The following DGKI variants were observed in gnomAD, a reference collection of about 807,000 sequenced individuals.
The protein encoded by DGKI is DAG kinase iota.
A neutral mutation model predicts 147.5 loss-of-function variants in DGKI; 55 were observed. That is an observed-to-expected ratio of 0.37 (90% CI 0.30 to 0.47). The LOEUF (loss-of-function observed/expected upper bound fraction) is 0.47, where lower values mean the gene tolerates loss of function less well. DGKI is among the 20% of genes least tolerant of loss of function. DGKI has a pLI of 1.00. For missense variants in DGKI, 1,007 were observed against 1,323.8 expected (o/e 0.76, Z 3.71); for synonymous variants, 469 against 477.1 (o/e 0.98, Z 0.22).
chr7:137,469,734 C>A (rs913205136), intron 23 of DGKI, 115 bp from the exon 24 acceptor site: 2 of 808,348 alleles, frequency 2.5e-6, no homozygotes, highest in Non-Finnish European at 3.6e-6. Flanking sequence ...GAGCAAATCA[C>A]ATTTTTTTTT....
intron 16 of DGKI, 121 bp downstream of exon 16, chr7:137,578,145 CATAG>C: frequency 4.8e-6 from 3 of 629,240 alleles, no homozygotes; most frequent in South Asian, 4.3e-5. Context: ...AAACAGTAAC[CATAG>C]ATAGACATAT....
At chr7:137,430,993 A>AG (rs1813048940) in intron 28 of DGKI, among the ~76,000 whole-genome samples, 1 of 152,144 alleles carries the variant, frequency 6.6e-6, no homozygotes, top group Non-Finnish European at 1.5e-5. Context: ...CATTCAGACT[A>AG]TATCCTCACA....
chr7:137,777,774 C>G lies in DGKI; in HGVS notation c.401+68688G>C, dbSNP rs188677218. Among the ~76,000 whole-genome samples, 991 of 152,226 alleles carry G rather than the reference C, an allele frequency of 6.5e-3. 13 individuals carry two copies. The highest frequency in any genetic ancestry group is 0.023 in the African/African-American group (936 of 41,514). On this transcript the variant is annotated intron_variant, in intron 1 of 32. Transcript: ENST00000614521. Reference sequence around the variant, plus strand: ...TTTCTGAGGCTCCTGGAAAGCTTTCCTCTGGATAACTGAGGCATTTCTGTG... The same window carrying G: ...TTTCTGAGGCTCCTGGAAAGCTTTCGTCTGGATAACTGAGGCATTTCTGTG...
chr7:137,433,910 G>C (rs551397216), intron 28 of DGKI, among the ~76,000 whole-genome samples: 10 of 152,212 alleles, frequency 6.6e-5, no homozygotes, highest in Non-Finnish European at 1.3e-4. Flanking sequence ...ATGAGGTCAG[G>C]AGTTCGAGAC....
chr7:137,429,569 A>C (rs1312087528), intron 28 of DGKI, among the ~76,000 whole-genome samples: 2 of 151,958 alleles, frequency 1.3e-5, no homozygotes, highest in African/African-American at 2.4e-5. Context: ...TAATTAAACT[A>C]AAGAGCTTCT....
At chr7:137,491,426 G>A (rs1815759297) in intron 21 of DGKI, among the ~76,000 whole-genome samples, 1 of 152,146 alleles carries the variant, frequency 6.6e-6, no homozygotes, top group South Asian at 2.1e-4. Flanking sequence ...ACAAAACCAT[G>A]AGGAAATATA....
intron 19 of DGKI, among the ~76,000 whole-genome samples, chr7:137,559,506 C>G (rs1818345906): frequency 1.3e-5 from 2 of 152,014 alleles, no homozygotes; most frequent in African/African-American, 4.8e-5. Flanking sequence ...AAAGAAAGAA[C>G]TGCATTTGAA....
chr7:137,806,936 A>G (rs545669057), intron 1 of DGKI, among the ~76,000 whole-genome samples: 109 of 152,296 alleles, frequency 7.2e-4, no homozygotes, highest in African/African-American at 2.6e-3. Flanking sequence ...AAGACCAGGG[A>G]AAGGGCAAGA....
intron 17 of DGKI, 43 bp downstream of exon 17, chr7:137,577,179 A>T (rs1377859643): frequency 7.2e-7 from 1 of 1,394,588 alleles, no homozygotes; most frequent in South Asian, 1.2e-5. Flanking sequence ...TGTGGCAGTC[A>T]TATCATATTC....
intron 1 of DGKI, among the ~76,000 whole-genome samples, chr7:137,807,121 T>C (rs1797401493): frequency 6.6e-6 from 1 of 152,222 alleles, no homozygotes; most frequent in Admixed American, 6.5e-5. Flanking sequence ...GTTTATTTTA[T>C]TTTTGCGTCA....
At chr7:137,746,151 T>C (rs1585436971) in intron 1 of DGKI, among the ~76,000 whole-genome samples, 2 of 152,310 alleles carry the variant, frequency 1.3e-5, no homozygotes, top group Admixed American at 6.5e-5. Flanking sequence ...GGAGGTTTTT[T>C]TGGTTTGGTT....
At chr7:137,678,423 G>GA (rs1823111695) in intron 3 of DGKI, 134 bp downstream of exon 3, 5 of 809,014 alleles carry the variant, frequency 6.2e-6, no homozygotes. Flanking sequence ...TGCAAACCTT[G>GA]AAAACATCCG....
intron 1 of DGKI, among the ~76,000 whole-genome samples, chr7:137,801,473 C>T (rs1312316634): frequency 6.6e-6 from 1 of 152,156 alleles, no homozygotes; most frequent in East Asian, 1.9e-4. Context: ...AGATGTAGGA[C>T]CAGAAAGCTT....
At position 137,622,129 on chromosome 7, in the gene DGKI, C is replaced by T. The variant is rs150137020; in HGVS notation, c.876+1354G>A. Among the ~76,000 whole-genome samples, 690 of 151,812 alleles carry T rather than the reference C, an allele frequency of 4.5e-3. 1 individual carries two copies. Among genetic ancestry groups the T allele is most frequent in the Non-Finnish European group, 6.6e-3 (450 of 67,946 alleles). On this transcript the variant is annotated intron_variant, in intron 7 of 32. Transcript: ENST00000614521. ...AAAATGTCACAGGATTGTGATGCAG[C>T]GACACTGAGCTTTCCAGACCACCGA...
At chr7:137,756,963 G>A (rs1422594932) in intron 1 of DGKI, among the ~76,000 whole-genome samples, 1 of 152,042 alleles carries the variant, frequency 6.6e-6, no homozygotes. Flanking sequence ...ATATATTTTG[G>A]ATGTGTTTGG....
At chr7:137,536,385 T>C (rs917492681) in intron 20 of DGKI, among the ~76,000 whole-genome samples, 4 of 152,128 alleles carry the variant, frequency 2.6e-5, no homozygotes, top group Admixed American at 6.6e-5. Flanking sequence ...TCTGACTAAA[T>C]GTAAAAATCC....
intron 6 of DGKI, among the ~76,000 whole-genome samples, chr7:137,643,642 C>T (rs927546265): frequency 1.3e-5 from 2 of 152,146 alleles, no homozygotes; most frequent in African/African-American, 2.4e-5. Flanking sequence ...GGACGTGCAG[C>T]GAGCTGTGCT....
intron 28 of DGKI, among the ~76,000 whole-genome samples, chr7:137,420,517 G>A (rs1197007112): frequency 1.3e-5 from 2 of 152,000 alleles, no homozygotes; most frequent in African/African-American, 4.8e-5. Flanking sequence ...GTCACTTATG[G>A]GAATGTGTTA....
intron 20 of DGKI, among the ~76,000 whole-genome samples, chr7:137,548,499 G>A (rs904524202): frequency 6.6e-6 from 1 of 151,304 alleles, no homozygotes; most frequent in Non-Finnish European, 1.5e-5. Context: ...AATGAGTATG[G>A]TGCCTCCCCC....
Sources: allele counts gnomAD v4.1 joint callset (sites outside exome capture counted in the v4.1 genomes callset), GRCh38; gene constraint gnomAD v4.1.1; transcripts MANE v1.5; gene names NCBI Gene and HGNC (gene_info 2026-07-23, HGNC 2026-07-21).